The following R3HDM1 variants were observed in gnomAD, a reference collection of about 807,000 sequenced individuals.
R3HDM1 encodes R3H domain containing 1, also known as R3H domain-containing protein 1.
In R3HDM1, 46 loss-of-function variants were observed where a neutral mutation model predicts 141.1. That is an observed-to-expected ratio of 0.33 (90% confidence interval 0.26 to 0.42). R3HDM1 has a LOEUF of 0.42. Among genes scored for constraint, R3HDM1 ranks in the 10% least tolerant of loss-of-function variants. The pLI, the probability that R3HDM1 is intolerant of heterozygous loss-of-function variation, is 1.00. For missense variants in R3HDM1, 1,184 were observed against 1,368.3 expected, an observed-to-expected ratio of 0.87 and a Z score of 2.12; for synonymous variants, 435 against 472.9, an observed-to-expected ratio of 0.92 and a Z score of 1.04.
At chr2:135,650,212 C>A (rs2065004495) in intron 17 of R3HDM1, 1 of 975,368 alleles carries the variant, frequency 1.0e-6, no homozygotes, top group Non-Finnish European at 1.2e-6. Flanking sequence ...GATTGTTTAA[C>A]CTTTTCCTGC....
At chr2:135,629,628 A>G (rs761998808) in intron 7 of R3HDM1, among the ~76,000 whole-genome samples, 13 of 152,250 alleles carry the variant, frequency 8.5e-5, no homozygotes, top group Non-Finnish European at 4.4e-5. Flanking sequence ...ATATTTCAGC[A>G]AAGGGGAACA....
At chr2:135,642,226 A>C (rs891388717) in intron 15 of R3HDM1, among the ~76,000 whole-genome samples, 69 of 152,252 alleles carry the variant, frequency 4.5e-4, no homozygotes, top group African/African-American at 1.7e-3. Context: ...GGGGGGAAAA[A>C]TAATTATCTT....
At chr2:135,628,947 G>A (rs927868028) in intron 7 of R3HDM1, among the ~76,000 whole-genome samples, 5 of 151,688 alleles carry the variant, frequency 3.3e-5, no homozygotes, top group Admixed American at 6.6e-5. Flanking sequence ...TTTGATTCTC[G>A]TCTTTATTTT....
chr2:135,723,736 C>A (rs1302485243), intron 26 of R3HDM1, among the ~76,000 whole-genome samples: 1 of 142,616 alleles, frequency 7.0e-6, no homozygotes, highest in Non-Finnish European at 1.5e-5. Context: ...GAGATCACAC[C>A]GCTGCACTCC....
At chr2:135,589,344 A>G (rs1708688527) in intron 1 of R3HDM1, among the ~76,000 whole-genome samples, 1 of 152,170 alleles carries the variant, frequency 6.6e-6, no homozygotes, top group African/African-American at 2.4e-5. Context: ...GAAATTATGT[A>G]GCATTCCTTG....
In R3HDM1 at chr2:135,649,950, G is replaced by A. The variant is rs766071043; in HGVS notation, c.1672G>A (p.Ala558Thr). 4.1e-5 allele frequency: 53 copies of A among 1,296,508 alleles called. No individual in the cohort carries two copies. In the African/African-American group the frequency reaches 7.9e-4, roughly 19 times the overall value. The allele number at this position is 1,296,508 out of a possible 1,614,324, so 80.3% of individuals were successfully genotyped here. A position where few individuals can be genotyped will look rare whatever the true frequency, so the allele number is the denominator to read the frequency against. ...TTCACAGCCTGTTCAGTACTCTACAGCCCCTTACCCATCCCCGTTCCTGCC... is the reference window on the plus strand; with the variant it reads ...TTCACAGCCTGTTCAGTACTCTACAACCCCTTACCCATCCCCGTTCCTGCC... ...SSSQPVQYST[A>T]PYPSPFLPVS... Residue 558 changes from alanine to threonine, a missense_variant, in exon 17 of 27, where the codon GCC becomes ACC. Ala to Thr is a moderately conservative substitution (Grantham distance 58, BLOSUM62 0). Coordinates refer to ENST00000683871, the MANE Select transcript of R3HDM1 (RefSeq NM_001378107.1).
intron 1 of R3HDM1, among the ~76,000 whole-genome samples, chr2:135,541,742 T>C (rs1697568458): frequency 1.3e-5 from 2 of 151,550 alleles, no homozygotes; most frequent in East Asian, 1.9e-4. Context: ...GTTTGAAATA[T>C]TGCAAGAATT....
intron 7 of R3HDM1, among the ~76,000 whole-genome samples, chr2:135,629,284 C>T (rs2062393357): frequency 6.6e-6 from 1 of 151,890 alleles, no homozygotes; most frequent in Non-Finnish European, 1.5e-5. Flanking sequence ...CCACTGCACT[C>T]CAGCCTGGGG....
At chr2:135,611,230 G>A (rs552932697) in intron 3 of R3HDM1, among the ~76,000 whole-genome samples, 1 of 151,446 alleles carries the variant, frequency 6.6e-6, no homozygotes, top group African/African-American at 2.4e-5. Flanking sequence ...GAGACCAGTT[G>A]GGGCAACATG....
At position 135,663,800 on chromosome 2, in the gene R3HDM1, G is replaced by A. The variant is rs751168577; in HGVS notation, c.2152+2407G>A. On this transcript the variant is annotated intron_variant, in intron 19 of 26. Coordinates refer to ENST00000683871, the MANE Select transcript of R3HDM1 (RefSeq NM_001378107.1). ...CCACCACTCTGGGAGGCCAAGGCGGGTGGATCACCTGAGGTCAGGAATTTC... is the reference window on the plus strand; with the variant it reads ...CCACCACTCTGGGAGGCCAAGGCGGATGGATCACCTGAGGTCAGGAATTTC... Among the ~76,000 whole-genome samples, 4 of 152,184 alleles carry A rather than the reference G, an allele frequency of 2.6e-5. No individual in the cohort carries two copies. In the South Asian group the frequency reaches 6.2e-4, roughly 24 times the overall value.
intron 20 of R3HDM1, among the ~76,000 whole-genome samples, chr2:135,678,903 G>T (rs1050013561): frequency 2.6e-5 from 4 of 151,242 alleles, no homozygotes; most frequent in Admixed American, 2.0e-4. Context: ...GGGACTACAG[G>T]CACGCGCCAC....
chr2:135,594,916 A>G (rs1449862224), intron 1 of R3HDM1, among the ~76,000 whole-genome samples: 6 of 150,706 alleles, frequency 4.0e-5, no homozygotes, highest in Non-Finnish European at 8.8e-5. Flanking sequence ...ATGTATACTC[A>G]TTGTGATCTT....
chr2:135,686,751 G>T (rs1315647491), intron 21 of R3HDM1, among the ~76,000 whole-genome samples: 2 of 152,068 alleles, frequency 1.3e-5, no homozygotes, highest in Non-Finnish European at 2.9e-5. Flanking sequence ...AGAAAAAAAG[G>T]TTATATATGT....
At chr2:135,716,676 A>T (rs2076180338) in intron 24 of R3HDM1, among the ~76,000 whole-genome samples, 1 of 152,056 alleles carries the variant, frequency 6.6e-6, no homozygotes, top group Non-Finnish European at 1.5e-5. Context: ...TATTCAGGCT[A>T]GGTGCGGTGG....
chr2:135,581,170 G>T, intron 1 of R3HDM1: 1 of 984,392 alleles, frequency 1.0e-6, no homozygotes, highest in African/African-American at 1.7e-5. Context: ...ATCTAAGCAG[G>T]AACTAATAAT....
At position 135,715,552 on chromosome 2, in the gene R3HDM1, C is replaced by G. The variant is rs761526287; in HGVS notation, c.2739C>G (p.His913Gln). 2 of 1,611,308 alleles carry G rather than the reference C, an allele frequency of 1.2e-6. No individual in the cohort carries two copies. Among genetic ancestry groups the G allele is most frequent in the African/African-American group, 2.7e-5 (2 of 74,898 alleles). ...TTCTTGACGTATTGTAATTGCAGCA[C>G]AGCCCTCAACTCAGTAGCCCCATTA... The part of the protein sequence containing the change: ...EFSSVDNIVQ[H>Q]SPQLSSPIIS... The change falls in exon 24 of 27, where the codon CAC becomes CAG. Residue 913 changes from histidine to glutamine, a missense_variant and splice_region_variant. His to Gln is a conservative substitution (Grantham distance 24). This residue lies in a region of R3HDM1 where 563 missense variants were observed against 562.0 expected (regional missense o/e 1.00). Transcript: ENST00000683871.
intron 24 of R3HDM1, 186 bp from the exon 25 acceptor site, chr2:135,721,737 AC>A (rs1478810035): frequency 1.4e-5 from 6 of 428,020 alleles, no homozygotes; most frequent in Non-Finnish European, 2.6e-5. Context: ...ACAGGCGCCC[AC>A]CACCAGGCCT....
intron 1 of R3HDM1, among the ~76,000 whole-genome samples, chr2:135,531,985 GT>G (rs2104861290): frequency 6.6e-6 from 1 of 152,318 alleles, no homozygotes; most frequent in African/African-American, 2.4e-5. Context: ...CAGGGGAAAG[GT>G]TTCCGAGTCC....
chr2:135,553,313 C>T (rs1295889955), intron 1 of R3HDM1, among the ~76,000 whole-genome samples: 1 of 152,154 alleles, frequency 6.6e-6, no homozygotes, highest in Non-Finnish European at 1.5e-5. Flanking sequence ...TGAAGTACAA[C>T]CCTCTGTTCC....
Sources: allele counts gnomAD v4.1 joint callset (sites outside exome capture counted in the v4.1 genomes callset), GRCh38; gene constraint gnomAD v4.1.1; regional missense constraint gnomAD v4.1.1; transcripts MANE v1.5; gene names NCBI Gene and HGNC (gene_info 2026-07-23, HGNC 2026-07-21).